Variants in VTI1A observed in about 807,000 individuals in gnomAD.
VTI1A encodes the protein vesicle transport through interaction with t-SNAREs 1A.
In VTI1A, 22 loss-of-function variants were observed where a neutral mutation model predicts 34.9. The observed-to-expected ratio is 0.63, with a 90% CI of 0.45 to 0.90. VTI1A has a LOEUF of 0.90. Ranked by LOEUF, VTI1A falls within the 40% of genes least tolerant of loss-of-function variation. The pLI is 0.00. For missense variants in VTI1A, 268 were observed against 275.6 expected, an observed-to-expected ratio of 0.97 and a Z score of 0.20; for synonymous variants, 87 against 97.3, an observed-to-expected ratio of 0.89 and a Z score of 0.62.
At chr10:112,830,375 C>A in the VTI1A span, among the ~76,000 whole-genome samples, 1 of 151,324 alleles carries the variant, frequency 6.6e-6, no homozygotes, top group African/African-American at 2.4e-5. Flanking sequence ...AGCTCTTTCT[C>A]CCCTCAGAGC....
At chr10:112,842,803 C>G in the VTI1A span, among the ~76,000 whole-genome samples, 2 of 152,172 alleles carry the variant, frequency 1.3e-5, no homozygotes, top group Non-Finnish European at 2.9e-5. Context: ...AAGTTCTGTT[C>G]CCTGCCCTTA....
intron 3 of VTI1A, among the ~76,000 whole-genome samples, chr10:112,465,809 T>A (rs1190740182): frequency 6.6e-6 from 1 of 152,158 alleles, no homozygotes; most frequent in Non-Finnish European, 1.5e-5. Flanking sequence ...AATGTGAATA[T>A]ATTTAACACC....
chr10:112,594,615 A>C (rs1844545078), intron 5 of VTI1A, among the ~76,000 whole-genome samples: 1 of 152,058 alleles, frequency 6.6e-6, no homozygotes, highest in Non-Finnish European at 1.5e-5. Context: ...GACGTGAAGG[A>C]CCTCTTCAAG....
At chr10:112,581,785 C>A (rs539960214) in intron 5 of VTI1A, among the ~76,000 whole-genome samples, 2 of 152,124 alleles carry the variant, frequency 1.3e-5, no homozygotes, top group African/African-American at 4.8e-5. Flanking sequence ...ACACTAGCCA[C>A]CTCCATAATC....
chr10:112,774,055 G>A (rs1318876524), intron 7 of VTI1A, among the ~76,000 whole-genome samples: 1 of 152,202 alleles, frequency 6.6e-6, no homozygotes, highest in Non-Finnish European at 1.5e-5. Context: ...TGGCTGAGGT[G>A]AGGCTGTGAG....
intron 7 of VTI1A, among the ~76,000 whole-genome samples, chr10:112,729,848 G>A (rs1003549486): frequency 6.6e-6 from 1 of 152,184 alleles, no homozygotes; most frequent in Non-Finnish European, 1.5e-5. Context: ...CCTCTTCAGC[G>A]CTCTAGTGGT....
the VTI1A span, among the ~76,000 whole-genome samples, chr10:112,838,993 T>A: frequency 2.6e-5 from 4 of 152,162 alleles, no homozygotes; most frequent in South Asian, 6.2e-4. Context: ...CTTTCTTCCC[T>A]GAGGGCTGCT....
At chr10:112,506,808 T>G (rs946237272) in intron 3 of VTI1A, among the ~76,000 whole-genome samples, 1 of 152,216 alleles carries the variant, frequency 6.6e-6, no homozygotes, top group Admixed American at 6.5e-5. Context: ...AGGAGGTAAA[T>G]TCTTGCAGCT....
chr10:112,487,144 G>A (rs1848667101), intron 3 of VTI1A, among the ~76,000 whole-genome samples: 1 of 151,662 alleles, frequency 6.6e-6, no homozygotes, highest in Non-Finnish European at 1.5e-5. Flanking sequence ...TTTTTTTTGA[G>A]ACAGAGTCAC....
chr10:112,823,997 C>T, the VTI1A span: 1 of 152,198 alleles, frequency 6.6e-6, no homozygotes, highest in Non-Finnish European at 1.5e-5. Context: ...GGTAACAGGT[C>T]CAGGAGTAGA....
intron 7 of VTI1A, among the ~76,000 whole-genome samples, chr10:112,728,634 A>T (rs929213581): frequency 2.6e-5 from 4 of 152,252 alleles, no homozygotes; most frequent in African/African-American, 9.6e-5. Flanking sequence ...ACTATTTTCA[A>T]GTACAAATGA....
intron 7 of VTI1A, among the ~76,000 whole-genome samples, chr10:112,724,664 G>T (rs1849940287): frequency 6.6e-6 from 1 of 151,892 alleles, no homozygotes; most frequent in South Asian, 2.1e-4. Context: ...AGACCCCAGA[G>T]CTGGGGCAAG....
intron 3 of VTI1A, among the ~76,000 whole-genome samples, chr10:112,502,813 T>A (rs1849290729): frequency 6.6e-6 from 1 of 152,200 alleles, no homozygotes; most frequent in Non-Finnish European, 1.5e-5. Context: ...TGTGCTTTTT[T>A]AAAAATGGTA....
intron 7 of VTI1A, among the ~76,000 whole-genome samples, chr10:112,753,961 C>A (rs1273147656): frequency 6.6e-6 from 1 of 152,156 alleles, no homozygotes; most frequent in African/African-American, 2.4e-5. Context: ...ACAGTATACA[C>A]AGCACAGGTC....
chr10:112,811,712 A>AAAAAAAAAAGAT lies in VTI1A; in HGVS notation c.561-3578_561-3577insAAAAAAAAAGAT, dbSNP rs67154330. ...AAAAAAAAAAAAAAAAAAAAAAAAA[A>AAAAAAAAAAGAT]GAGTGCAGTCCATGCCTGGAAGTAG... On this transcript the variant is annotated intron_variant, in intron 7 of 7. Transcript: ENST00000393077. Among the ~76,000 whole-genome samples, 679 of 84,038 alleles carry AAAAAAAAAAGAT rather than the reference A, an allele frequency of 8.1e-3. 218 individuals carry two copies. The highest frequency in any genetic ancestry group is 0.018 in the African/African-American group (381 of 21,076). 55.1% of individuals were successfully genotyped at this position (84,038 alleles called of 152,430 possible).
At chr10:112,805,819 C>A (rs1011067168) in intron 7 of VTI1A, among the ~76,000 whole-genome samples, 1 of 152,170 alleles carries the variant, frequency 6.6e-6, no homozygotes, top group Non-Finnish European at 1.5e-5. Flanking sequence ...TCACTGCTCT[C>A]TCAGGGAACC....
rs1302452950 is a variant in VTI1A, at chr10:112,447,397, C to A, written c.24C>A (p.Tyr8Ter). Residue 8 changes from tyrosine to a stop codon, truncating the protein, a stop_gained, in exon 1 of 8, where the codon TAC becomes TAA. Coordinates refer to ENST00000393077, the MANE Select transcript of VTI1A (RefSeq NM_145206.4). LOFTEE classifies it high-confidence loss of function. MSSDFEGYEQDFAVLTAE... is the reference protein window; with the variant it reads MSSDFEG The stretch of plus-strand genomic sequence containing the variant: ...CCATGTCGTCCGACTTCGAAGGTTA[C>A]GAGCAGGACTTCGCGGTGCTCACTG... 2 of 1,613,674 alleles carry A rather than the reference C, an allele frequency of 1.2e-6. No individual in the cohort carries two copies. The highest frequency in any genetic ancestry group is 2.2e-5 in the East Asian group (1 of 44,878).
intron 4 of VTI1A, among the ~76,000 whole-genome samples, chr10:112,529,321 G>A (rs1445502220): frequency 6.6e-6 from 1 of 152,068 alleles, no homozygotes; most frequent in African/African-American, 2.4e-5. Flanking sequence ...ATTGCATTTT[G>A]TTTTAAGGCT....
At chr10:112,830,849 A>ATATATATTTTTTTT in the VTI1A span, among the ~76,000 whole-genome samples, 70 of 33,478 alleles carry the variant, frequency 2.1e-3, 2 homozygotes, top group African/African-American at 8.3e-3. Flanking sequence ...ATATATATAT[A>ATATATATTTTTTTT]TTTTTTTTTT....
Sources: gnomAD v4.1 joint callset for allele counts (sites outside exome capture counted in the v4.1 genomes callset) on GRCh38, gnomAD v4.1.1 for gene constraint, MANE v1.5 for transcripts, NCBI Gene and HGNC (gene_info 2026-07-23, HGNC 2026-07-21) for gene names.